Variants in NFATC2 observed in about 807,000 individuals in gnomAD.
The protein encoded by NFATC2 is nuclear factor of activated T cells 2, also known as nuclear factor of activated T-cells, cytoplasmic 2.
NFATC2 carries 22 observed loss-of-function variants against 87.3 expected under a neutral mutation model. The ratio of observed to expected loss-of-function variants is 0.25; its 90% CI spans 0.18 to 0.36. NFATC2 has a LOEUF of 0.36. Ranked by LOEUF, NFATC2 falls within the 10% of genes least tolerant of loss-of-function variation. NFATC2 has a pLI of 1.00. For synonymous variants in NFATC2, 565 were observed against 542.2 expected, an observed-to-expected ratio of 1.04 and a Z score of -0.58; for missense variants, 1,149 against 1,259.1, an observed-to-expected ratio of 0.91 and a Z score of 1.32.
At chr20:51,466,838 G>A (rs1987731162) in intron 5 of NFATC2, among the ~76,000 whole-genome samples, 1 of 152,180 alleles carries the variant, frequency 6.6e-6, no homozygotes, top group South Asian at 2.1e-4. Flanking sequence ...TTGGGAGGCC[G>A]AGGCGGGCAG....
chr20:51,451,716 G>GC lies in NFATC2; in HGVS notation c.1849+2831dup, dbSNP rs373752545. Among the ~76,000 whole-genome samples, 72 of 152,302 alleles carry GC rather than the reference G, an allele frequency of 4.7e-4. 1 individual carries two copies. In the East Asian group the frequency reaches 0.011, roughly 24 times the overall value. On this transcript the variant is annotated intron_variant, in intron 6 of 10. Coordinates refer to ENST00000371564, the MANE Select transcript of NFATC2 (RefSeq NM_012340.5). ...GCGCTGCCTCCTGTCAGATGAGCCT[G>GC]CCATTACATTCTCACAGGAGCATGA...
At chr20:51,462,791 G>A (rs949819218) in intron 5 of NFATC2, among the ~76,000 whole-genome samples, 1 of 152,148 alleles carries the variant, frequency 6.6e-6, no homozygotes, top group Non-Finnish European at 1.5e-5. Flanking sequence ...CACAAAGCAG[G>A]AATCACTCCC....
intron 9 of NFATC2, among the ~76,000 whole-genome samples, chr20:51,413,505 C>A (rs1979590546): frequency 1.3e-5 from 2 of 152,292 alleles, no homozygotes; most frequent in South Asian, 4.1e-4. Context: ...ATACTGTAAT[C>A]CTAGCACTTT....
intron 9 of NFATC2, among the ~76,000 whole-genome samples, chr20:51,411,303 A>C (rs1979186555): frequency 6.6e-6 from 1 of 152,120 alleles, no homozygotes; most frequent in Non-Finnish European, 1.5e-5. Flanking sequence ...TAGTAAAGAC[A>C]GAAGCTTTTT....
At position 51,391,228 on chromosome 20, in the gene NFATC2, TA is replaced by T; in HGVS notation, c.*267del. 1.3e-6 allele frequency: 1 copy of T among 747,462 alleles called. No homozygotes were observed. Among genetic ancestry groups the T allele is most frequent in the Non-Finnish European group, 2.5e-6 (1 of 406,988 alleles). 46.3% of individuals were successfully genotyped at this position (747,462 alleles called of 1,614,324 possible). A position where few individuals can be genotyped will look rare whatever the true frequency, so the allele number is the denominator to read the frequency against. On this transcript the variant is annotated 3_prime_UTR_variant, in exon 11 of 11. Coordinates refer to ENST00000371564, the MANE Select transcript of NFATC2 (RefSeq NM_012340.5). Reference sequence around the variant, plus strand: ...GAAAAGAAGAGTTCTCTCTGGTGTTTAGAGGGAGGTGGCGAGCTCCTTAAGT... The same window carrying T: ...GAAAAGAAGAGTTCTCTCTGGTGTTTGAGGGAGGTGGCGAGCTCCTTAAGT...
chr20:51,398,593 A>AGG, intron 10 of NFATC2, 50 bp downstream of exon 10: 1 of 1,379,364 alleles, frequency 7.2e-7, no homozygotes, highest in Non-Finnish European at 1.0e-6. Flanking sequence ...ATTCAAGTTA[A>AGG]GGAAACACAC....
chr20:51,525,779 C>T (rs1006767384), intron 1 of NFATC2, among the ~76,000 whole-genome samples: 2 of 152,110 alleles, frequency 1.3e-5, no homozygotes, highest in Non-Finnish European at 2.9e-5. Flanking sequence ...CCCTGGCCTC[C>T]CCACTTCCTC....
At chr20:51,457,847 T>C (rs1986728164) in intron 5 of NFATC2, among the ~76,000 whole-genome samples, 1 of 150,656 alleles carries the variant, frequency 6.6e-6, no homozygotes, top group Non-Finnish European at 1.5e-5. Context: ...AGAATGGGAA[T>C]GGGAAGTTAA....
chr20:51,439,342 G>A (rs1401666873), intron 6 of NFATC2, among the ~76,000 whole-genome samples: 1 of 152,236 alleles, frequency 6.6e-6, no homozygotes, highest in Non-Finnish European at 1.5e-5. Flanking sequence ...GGCACAGAGA[G>A]GCAAGAGCAC....
chr20:51,558,699 G>T (rs1234224690), intron 1 of NFATC2, among the ~76,000 whole-genome samples: 1 of 152,118 alleles, frequency 6.6e-6, no homozygotes, highest in Non-Finnish European at 1.5e-5. Flanking sequence ...TTAAAGCCTG[G>T]CCCAGCAGAG....
chr20:51,555,592 T>TC (rs965192428), intron 1 of NFATC2, among the ~76,000 whole-genome samples: 1 of 139,950 alleles, frequency 7.1e-6, no homozygotes, highest in African/African-American at 2.5e-5. Context: ...AGACTCCATC[T>TC]CAAAAAAAAA....
Position 51,397,793 on chromosome 20 carries a change from A to G in NFATC2, c.*44+850T>C, listed in dbSNP as rs183648425. Among the ~76,000 whole-genome samples the G allele has an allele frequency of 1.4e-3, 209 of 152,268 alleles. 3 individuals are homozygous for G. The highest frequency in any genetic ancestry group is 4.9e-3 in the African/African-American group (203 of 41,544). On this transcript the variant is annotated intron_variant, in intron 10 of 10. Coordinates refer to ENST00000371564, the MANE Select transcript of NFATC2 (RefSeq NM_012340.5). ...CTCAAGCGTCAGCTCCCCTGGGTGT[A>G]CTAATATAAACTCTAAGATGGGCTG...
chr20:51,442,461 A>T (rs1212282961), intron 6 of NFATC2, among the ~76,000 whole-genome samples: 2 of 152,038 alleles, frequency 1.3e-5, no homozygotes, highest in Non-Finnish European at 2.9e-5. Flanking sequence ...AAATAAAATA[A>T]AAAGCAGATT....
chr20:51,457,181 T>A (rs2146442528), intron 5 of NFATC2, among the ~76,000 whole-genome samples: 2 of 152,360 alleles, frequency 1.3e-5, no homozygotes, highest in South Asian at 4.1e-4. Flanking sequence ...CAAATGAGAT[T>A]TATTAGCAGC....
Position 51,426,949 on chromosome 20 carries a change from G to C in NFATC2, c.2722+5118C>G, listed in dbSNP as rs138137816. ...GCAGAAGTAGATTTAAGAATAAGCA[G>C]ACTGATTTGTGCCCTCCCTGCACAC... On this transcript the variant is annotated intron_variant, in intron 9 of 10. Transcript: ENST00000371564. Among the ~76,000 whole-genome samples, 176 of 152,248 alleles carry C rather than the reference G, an allele frequency of 1.2e-3. 1 individual carries two copies. The highest frequency in any genetic ancestry group is 4.1e-3 in the African/African-American group (170 of 41,556).
chr20:51,537,835 A>G (rs960038981), intron 1 of NFATC2, among the ~76,000 whole-genome samples: 2 of 152,218 alleles, frequency 1.3e-5, no homozygotes, highest in African/African-American at 4.8e-5. Context: ...CTCCTCCACT[A>G]GAAAGAAAAT....
chr20:51,537,225 AGTGGAGAGGGG>A (rs1240938722), intron 1 of NFATC2, among the ~76,000 whole-genome samples: 1 of 37,150 alleles, frequency 2.7e-5, no homozygotes, highest in Non-Finnish European at 5.1e-5. Context: ...TATGAGAGGG[AGTGGAGAGGGG>A]AGGTGGGGAT....
At chr20:51,414,345 GCAGAGCAGAGACATTGT>G (rs1370708192) in intron 9 of NFATC2, among the ~76,000 whole-genome samples, 1 of 152,212 alleles carries the variant, frequency 6.6e-6, no homozygotes, top group Admixed American at 6.5e-5. Context: ...CCCTCCAGGT[GCAGAGCAGAGACATTGT>G]CAGAGCCTTG....
chr20:51,476,428 A>G (rs1041975821), intron 3 of NFATC2, among the ~76,000 whole-genome samples: 1 of 152,140 alleles, frequency 6.6e-6, no homozygotes, highest in Non-Finnish European at 1.5e-5. Flanking sequence ...CAGATAAAAG[A>G]TTAGCACATA....
Sources: allele counts gnomAD v4.1 joint callset (sites outside exome capture counted in the v4.1 genomes callset), GRCh38; gene constraint gnomAD v4.1.1; transcripts MANE v1.5; gene names NCBI Gene and HGNC (gene_info 2026-07-23, HGNC 2026-07-21).